The following DST variants were observed in gnomAD, a reference collection of about 807,000 sequenced individuals.
The protein encoded by DST is dystonin, also known as bullous pemphigoid antigen.
Under a neutral mutation model 875.2 loss-of-function variants are expected in DST, and 253 were observed. The observed-to-expected ratio is 0.29, with a 90% CI of 0.26 to 0.32. The LOEUF (loss-of-function observed/expected upper bound fraction) is 0.32, where lower values mean the gene tolerates loss of function less well. DST is among the 10% of genes least tolerant of loss of function. DST has a pLI of 1.00. For synonymous variants in DST, 3,124 were observed against 3,197.1 expected (o/e 0.98, Z 0.77); for missense variants, 8,287 against 9,111.6 (o/e 0.91, Z 3.68).
chr6:56,720,894 G>A (rs568987127), intron 5 of DST, among the ~76,000 whole-genome samples: 190 of 147,804 alleles, frequency 1.3e-3, no homozygotes, highest in African/African-American at 3.4e-3. Context: ...GGTGGCGGCC[G>A]GGCAGAGGGG....
rs767613702 is a variant in DST at position 56,476,199 on chromosome 6, C to T, written c.21814G>A (p.Val7272Ile). The T allele has an allele frequency of 2.5e-6, 4 of 1,612,884 alleles. No individual in the cohort carries two copies. The highest frequency in any genetic ancestry group is 4.5e-5 in the East Asian group (2 of 44,870). ...ETTLTDKDKE[V>I]IPQEIEEVKA... ...ACCTCTTCGATCTCCTGGGGGATGA[C>T]TTCTTTATCCTTATCAGTAAGTGTA... Residue 7272 changes from valine (V) to isoleucine (I), a missense_variant, in exon 92 of 104, where the codon GTC (valine) becomes ATC (isoleucine). By Grantham distance (29) the Val-to-Ile change is conservative (BLOSUM62 3). This residue lies in a region of DST where 1,292 missense variants were observed against 1,552.7 expected (regional missense o/e 0.83). Coordinates refer to ENST00000680361, the MANE Select transcript of DST (RefSeq NM_001374736.1).
chr6:56,474,066 A>G, intron 92 of DST, 64 bp from the exon 93 acceptor site: 1 of 1,353,782 alleles, frequency 7.4e-7, no homozygotes, highest in Non-Finnish European at 1.0e-6. Context: ...TTTAGAAATG[A>G]ACTAAAAGCA....
At chr6:56,650,193 T>C (rs1439141358) in intron 12 of DST, among the ~76,000 whole-genome samples, 2 of 151,566 alleles carry the variant, frequency 1.3e-5, no homozygotes, top group South Asian at 2.1e-4. Flanking sequence ...TTCAAAGTAA[T>C]GTAGGGGAAA....
At chr6:56,550,930 A>C (rs570425725) in intron 61 of DST, among the ~76,000 whole-genome samples, 3 of 152,282 alleles carry the variant, frequency 2.0e-5, no homozygotes, top group African/African-American at 7.2e-5. Flanking sequence ...CTCTCACGTG[A>C]AATCTTTATT....
At chr6:56,705,665 T>C (rs1173211312) in intron 5 of DST, among the ~76,000 whole-genome samples, 2 of 152,234 alleles carry the variant, frequency 1.3e-5, no homozygotes, top group Non-Finnish European at 2.9e-5. Context: ...TTACATCCAG[T>C]GTTCTGGCAC....
At chr6:56,636,747 CTAAA>C in intron 22 of DST, 95 bp from the exon 23 acceptor site, 1 of 1,016,834 alleles carries the variant, frequency 9.8e-7, no homozygotes, top group Non-Finnish European at 1.5e-6. Flanking sequence ...ACTCTACTAT[CTAAA>C]TAGATGACCA....
intron 5 of DST, among the ~76,000 whole-genome samples, chr6:56,725,190 T>C (rs1222632973): frequency 6.6e-6 from 1 of 152,180 alleles, no homozygotes; most frequent in African/African-American, 2.4e-5. Context: ...CACCACACTG[T>C]GCCACCTACC....
At chr6:56,479,894 T>G (rs1037696083) in intron 90 of DST, among the ~76,000 whole-genome samples, 1 of 152,204 alleles carries the variant, frequency 6.6e-6, no homozygotes, top group Non-Finnish European at 1.5e-5. Context: ...TATACTCATA[T>G]AGCAAACGTG....
intron 4 of DST, among the ~76,000 whole-genome samples, chr6:56,819,742 G>A (rs553172619): frequency 3.3e-4 from 51 of 152,302 alleles, no homozygotes; most frequent in African/African-American, 1.2e-3. Flanking sequence ...TGCAAGGGTT[G>A]GGTTAATGTT....
At chr6:56,691,637 T>C (rs1361892608) in intron 9 of DST, among the ~76,000 whole-genome samples, 3 of 152,122 alleles carry the variant, frequency 2.0e-5, no homozygotes, top group Non-Finnish European at 4.4e-5. Context: ...TTTTGAGCAA[T>C]TAAATAAATA....
Position 56,900,451 on chromosome 6 carries a change from G to C in DST, c.387C>G (p.His129Gln). The change falls in exon 3 of 104, where the codon CAC becomes CAG. Residue 129 changes from histidine (H) to glutamine (Q), a missense_variant. By Grantham distance (24) the His-to-Gln change is conservative (BLOSUM62 0). Transcript: ENST00000680361. ...TCCTGATTGAAGCACCTTGAACAGA[G>C]TGATAAAATTCTGGCTGGACTCGGC... ...KSSRVQPEFYHSVQGASIRRP... is the reference protein window; with the variant it reads ...KSSRVQPEFYQSVQGASIRRP... 7.3e-7 allele frequency: 1 copy of C among 1,367,720 alleles called. No homozygotes were observed. 84.7% of individuals were successfully genotyped at this position (1,367,720 alleles called of 1,614,324 possible).
intron 4 of DST, chr6:56,742,424 G>A: frequency 8.4e-7 from 1 of 1,185,934 alleles, no homozygotes; most frequent in Non-Finnish European, 1.1e-6. Flanking sequence ...TTTCTATGTA[G>A]AAAAGAAAAC....
At chr6:56,699,209 C>A (rs1275994876) in intron 9 of DST, among the ~76,000 whole-genome samples, 1 of 152,142 alleles carries the variant, frequency 6.6e-6, no homozygotes, top group African/African-American at 2.4e-5. Flanking sequence ...AACATGAATA[C>A]TTTTCTTCTT....
chr6:56,598,615 G>A lies in DST; in HGVS notation c.11789C>T (p.Ser3930Leu). 1 of 1,611,840 alleles carries A rather than the reference G, an allele frequency of 6.2e-7. No individual in the cohort carries two copies. Among genetic ancestry groups the A allele is most frequent in the Non-Finnish European group, 8.5e-7 (1 of 1,178,724 alleles). Residue 3930 changes from serine (S) to leucine (L), a missense_variant, in exon 46 of 104, where the codon TCA becomes TTA. Ser to Leu is a moderately radical substitution (Grantham distance 145). Coordinates refer to ENST00000680361, the MANE Select transcript of DST (RefSeq NM_001374736.1). ...TTCAATCAAAGCCTTATCTTCCTGT[G>A]ACAGCTTTTCACCATTCTCTTTTAA... ...NFLKENGEKLSQEDKALIEQK... is the reference protein window; with the variant it reads ...NFLKENGEKLLQEDKALIEQK...
intron 9 of DST, among the ~76,000 whole-genome samples, chr6:56,684,973 A>C (rs2099174030): frequency 6.6e-6 from 1 of 151,660 alleles, no homozygotes; most frequent in African/African-American, 2.4e-5. Flanking sequence ...GTACCTCCTT[A>C]ACCAACAGCC....
chr6:56,499,678 A>G lies in DST; in HGVS notation c.19896+1402T>C, dbSNP rs568452006. On this transcript the variant is annotated intron_variant, in intron 80 of 103. Coordinates refer to ENST00000680361, the MANE Select transcript of DST (RefSeq NM_001374736.1). ...GGGCCATTTCAAAGTACTTAAAATT[A>G]GACAAACAGAAGTAAGAGGTCTTTA... Among the ~76,000 whole-genome samples the G allele has an allele frequency of 7.2e-5, 11 of 152,272 alleles. No individual in the cohort carries two copies. The East Asian group carries it at 7.7e-4, about 11-fold the overall frequency.
chr6:56,561,323 T>G lies in DST; in HGVS notation c.14295A>C (p.Gln4765His). The G allele has an allele frequency of 6.2e-7, 1 of 1,613,234 alleles. No homozygotes were observed. Reference protein sequence around the residue: ...APTDTEAVKTQVEQNKSFEAE... With the variant: ...APTDTEAVKTHVEQNKSFEAE... ...CAGAATATACCTTATTCTGCTCAAC[T>G]TGAGTCTTCACAGCTTCAGTATCTG... The change falls in exon 57 of 104, where the codon CAA becomes CAC. Residue 4765 changes from glutamine to histidine, a missense_variant. Gln to His is a conservative substitution (Grantham distance 24). Transcript: ENST00000680361.
At chr6:56,935,452 G>C (rs759724709) in intron 2 of DST, among the ~76,000 whole-genome samples, 13 of 152,226 alleles carry the variant, frequency 8.5e-5, no homozygotes, top group Non-Finnish European at 1.6e-4. Context: ...TGGTCAGTTA[G>C]TTATTTAAAA....
intron 4 of DST, among the ~76,000 whole-genome samples, chr6:56,779,177 G>A (rs994934585): frequency 2.0e-5 from 3 of 152,010 alleles, no homozygotes; most frequent in Admixed American, 1.3e-4. Flanking sequence ...CTGCATAAAC[G>A]TCTTCTTTTG....
Sources: gnomAD v4.1 joint callset for allele counts (sites outside exome capture counted in the v4.1 genomes callset) on GRCh38, gnomAD v4.1.1 for gene constraint, gnomAD v4.1.1 regional missense constraint, MANE v1.5 for transcripts, NCBI Gene and HGNC (gene_info 2026-07-23, HGNC 2026-07-21) for gene names.